The following ATP8A2 variants were observed in gnomAD, a reference collection of about 807,000 sequenced individuals.
The protein encoded by ATP8A2 is phospholipid-transporting ATPase IB.
A neutral mutation model predicts 165.6 loss-of-function variants in ATP8A2; 100 were observed. The observed-to-expected ratio is 0.60, with a 90% CI of 0.51 to 0.71. ATP8A2 has a LOEUF of 0.71. Among genes scored for constraint, ATP8A2 ranks in the 30% least tolerant of loss-of-function variants. The pLI is 0.00. For synonymous variants in ATP8A2, 543 were observed against 548.8 expected, an observed-to-expected ratio of 0.99 and a Z score of 0.15; for missense variants, 1,227 against 1,479.5, an observed-to-expected ratio of 0.83 and a Z score of 2.80.
intron 33 of ATP8A2, among the ~76,000 whole-genome samples, chr13:25,868,460 G>C (rs1952580256): frequency 6.6e-6 from 1 of 152,166 alleles, no homozygotes; most frequent in African/African-American, 2.4e-5. Context: ...CTTTCGGTTT[G>C]GAATAACATC....
intron 1 of ATP8A2, among the ~76,000 whole-genome samples, chr13:25,373,761 C>T (rs1007241527): frequency 6.6e-6 from 1 of 152,146 alleles, no homozygotes; most frequent in Non-Finnish European, 1.5e-5. Context: ...GTCTGAAATG[C>T]CTACCATAGA....
chr13:25,409,657 A>G (rs915902653), intron 1 of ATP8A2, among the ~76,000 whole-genome samples: 2 of 152,354 alleles, frequency 1.3e-5, no homozygotes, highest in South Asian at 2.1e-4. Context: ...GTTGATGTAC[A>G]TCAATGAAAC....
At chr13:25,656,146 C>T (rs550489416) in intron 24 of ATP8A2, among the ~76,000 whole-genome samples, 1 of 152,286 alleles carries the variant, frequency 6.6e-6, no homozygotes, top group South Asian at 2.1e-4. Context: ...CATCAGTACT[C>T]AGGAACACCA....
At chr13:25,733,519 C>T (rs896867607) in intron 25 of ATP8A2, among the ~76,000 whole-genome samples, 1 of 115,492 alleles carries the variant, frequency 8.7e-6, no homozygotes, top group African/African-American at 3.1e-5. Flanking sequence ...CAAAAAGATA[C>T]TGGGAACCTC....
intron 28 of ATP8A2, 116 bp downstream of exon 28, chr13:25,828,308 C>A: frequency 3.4e-6 from 3 of 882,738 alleles, no homozygotes; most frequent in South Asian, 1.5e-5. Context: ...ACTTAGCAGG[C>A]AGCACAAATA....
In ATP8A2 at chr13:25,465,545, T is replaced by C. The variant is rs2035611474; in HGVS notation, c.77-3432T>C. 2.2e-5 allele frequency among the ~76,000 whole-genome samples: 3 copies of C among 138,396 alleles called. No homozygotes were observed. In the Admixed American group the frequency reaches 2.4e-4, roughly 11 times the overall value. The allele number at this position is 138,396 out of a possible 152,430, so 90.8% of individuals were successfully genotyped here. Reference sequence around the variant, plus strand: ...TTGTTTGGAAAAGTTATTGTTCCTGTTATTTATCAGTGATTTTTTTTTTTT... The same window carrying C: ...TTGTTTGGAAAAGTTATTGTTCCTGCTATTTATCAGTGATTTTTTTTTTTT... On this transcript the variant is annotated intron_variant, in intron 1 of 36. Coordinates refer to ENST00000381655, the MANE Select transcript of ATP8A2 (RefSeq NM_016529.6).
intron 28 of ATP8A2, among the ~76,000 whole-genome samples, chr13:25,831,237 T>G (rs1156720643): frequency 7.0e-6 from 1 of 142,392 alleles, no homozygotes; most frequent in Non-Finnish European, 1.5e-5. Context: ...TTTTTTGAGA[T>G]GGAGTCTAGC....
chr13:25,672,672 G>A (rs2042292620), intron 24 of ATP8A2, among the ~76,000 whole-genome samples: 1 of 152,134 alleles, frequency 6.6e-6, no homozygotes, highest in Admixed American at 6.5e-5. Context: ...TGCCTCTGCT[G>A]GTTGCCAGGC....
At chr13:25,882,975 C>T (rs955057219) in intron 33 of ATP8A2, among the ~76,000 whole-genome samples, 2 of 151,752 alleles carry the variant, frequency 1.3e-5, no homozygotes, top group African/African-American at 4.8e-5. Flanking sequence ...ATGATGATGG[C>T]AGCAGCTACC....
At chr13:25,534,756 A>C (rs937312732) in intron 6 of ATP8A2, among the ~76,000 whole-genome samples, 1 of 152,252 alleles carries the variant, frequency 6.6e-6, no homozygotes, top group Admixed American at 6.5e-5. Context: ...CATGGGAAGA[A>C]TGAAGCTCAG....
chr13:25,559,815 A>G (rs777204831), intron 15 of ATP8A2, 50 bp downstream of exon 15: 18 of 1,322,294 alleles, frequency 1.4e-5, no homozygotes, highest in Admixed American at 8.5e-5. Context: ...AGCTTTTGGA[A>G]TAATTATTTA....
In ATP8A2 at chr13:25,428,671, C is replaced by T. The variant is rs529647702; in HGVS notation, c.77-40306C>T. On this transcript the variant is annotated intron_variant, in intron 1 of 36. Transcript: ENST00000381655. The stretch of plus-strand genomic sequence containing the variant: ...GGTGTGTGTTTGTTGGGGCAATGCT[C>T]GCAAGTATAACAGACCCCCAAATAT... 2.0e-5 allele frequency among the ~76,000 whole-genome samples: 3 copies of T among 152,206 alleles called. No individual in the cohort carries two copies. The South Asian group carries it at 6.2e-4, about 32-fold the overall frequency.
chr13:25,853,579 A>T (rs1952074310), intron 30 of ATP8A2, among the ~76,000 whole-genome samples: 1 of 152,134 alleles, frequency 6.6e-6, no homozygotes, highest in Non-Finnish European at 1.5e-5. Context: ...AAATTCAAAA[A>T]GTTGTCAAAC....
intron 1 of ATP8A2, among the ~76,000 whole-genome samples, chr13:25,427,226 C>T (rs1057219447): frequency 1.6e-4 from 25 of 152,020 alleles, no homozygotes; most frequent in African/African-American, 3.1e-4. Flanking sequence ...GTCAGATCAG[C>T]GGCAGCATTA....
intron 25 of ATP8A2, chr13:25,705,451 A>G (rs1028883777): frequency 1.2e-5 from 2 of 164,328 alleles, no homozygotes; most frequent in Non-Finnish European, 2.6e-5. Context: ...ACACCGCGGC[A>G]GGGATTTCCA....
chr13:25,776,862 T>G (rs1372829593), intron 27 of ATP8A2, among the ~76,000 whole-genome samples: 1 of 152,238 alleles, frequency 6.6e-6, no homozygotes, highest in Admixed American at 6.5e-5. Flanking sequence ...AAATTACAGA[T>G]AGTCTAGACT....
At chr13:25,753,764 G>C (rs537696873) in intron 25 of ATP8A2, among the ~76,000 whole-genome samples, 4 of 152,344 alleles carry the variant, frequency 2.6e-5, no homozygotes, top group Admixed American at 1.3e-4. Flanking sequence ...AGTATCCTGA[G>C]TGCTTGGGGT....
At chr13:25,897,828 G>A (rs1032050084) in intron 33 of ATP8A2, among the ~76,000 whole-genome samples, 9 of 152,110 alleles carry the variant, frequency 5.9e-5, no homozygotes, top group Admixed American at 2.0e-4. Context: ...TGATTGCATC[G>A]GTTACTGAGG....
intron 2 of ATP8A2, among the ~76,000 whole-genome samples, chr13:25,497,465 C>T (rs1004484395): frequency 5.3e-5 from 8 of 152,122 alleles, no homozygotes; most frequent in Non-Finnish European, 1.0e-4. Flanking sequence ...AATACTTTTT[C>T]AGATTTCAGG....
Sources: allele counts gnomAD v4.1 joint callset (sites outside exome capture counted in the v4.1 genomes callset), GRCh38; gene constraint gnomAD v4.1.1; transcripts MANE v1.5; gene names NCBI Gene and HGNC (gene_info 2026-07-23, HGNC 2026-07-21).